Variants in SNTG1 observed in about 807,000 individuals in gnomAD.
SNTG1 encodes the protein syntrophin gamma 1, also known as gamma-1-syntrophin.
Under a neutral mutation model 74.7 loss-of-function variants are expected in SNTG1, and 39 were observed. The ratio of observed to expected loss-of-function variants is 0.52; its 90% confidence interval spans 0.40 to 0.68. SNTG1 has a LOEUF of 0.68. Among genes scored for constraint, SNTG1 ranks in the 30% least tolerant of loss-of-function variants. SNTG1 has a pLI of 0.00. For synonymous variants in SNTG1, 254 were observed against 217.1 expected (o/e 1.17, Z -1.49); for missense variants, 685 against 609.5 (o/e 1.12, Z -1.30).
intron 8 of SNTG1, among the ~76,000 whole-genome samples, chr8:50,492,271 A>C (rs1233304960): frequency 6.6e-6 from 1 of 152,182 alleles, no homozygotes; most frequent in East Asian, 1.9e-4. Flanking sequence ...TTGGTGGGTT[A>C]AATGGTATTT....
At chr8:49,916,499 T>A (rs2449958) in intron 1 of SNTG1, among the ~76,000 whole-genome samples, 1 of 152,098 alleles carries the variant, frequency 6.6e-6, no homozygotes, top group Non-Finnish European at 1.5e-5. Flanking sequence ...CTTCATCATA[T>A]GTAATGTACA....
rs2092815523 is a variant in SNTG1 at position 50,402,237 on chromosome 8, G to T, written c.55G>T (p.Asp19Tyr). Residue 19 changes from aspartate (D) to tyrosine (Y), a missense_variant, in exon 4 of 19, where the codon GAT becomes TAT. Physicochemically the swap from Asp to Tyr is radical, Grantham distance 160 (BLOSUM62 -3). Transcript: ENST00000642720. ...ETKTGICLLQDGNQEPFKVRL... is the reference protein window; with the variant it reads ...ETKTGICLLQYGNQEPFKVRL... ...AAAGACAGGAATTTGTTTGCTGCAG[G>T]ATGGTAACCAGGAGCCTTTCAAAGT... 6.2e-7 allele frequency: 1 copy of T among 1,603,704 alleles called. No homozygotes were observed. The highest frequency in any genetic ancestry group is 1.1e-5 in the South Asian group (1 of 88,014).
chr8:50,551,661 C>G (rs994191448), intron 11 of SNTG1, among the ~76,000 whole-genome samples: 8 of 152,152 alleles, frequency 5.3e-5, no homozygotes, highest in African/African-American at 1.9e-4. Flanking sequence ...GAAATTATAA[C>G]ATTCTTTTCA....
In SNTG1 at chr8:50,310,913, C is replaced by G. The variant is rs559599111; in HGVS notation, c.-27-83299C>G. ...AATGTCATAGCTAAATGGGGTCTTA[C>G]AGTTAATCTATTTCAGCGTTCAATT... On this transcript the variant is annotated intron_variant, in intron 2 of 18. Coordinates refer to ENST00000642720, the MANE Select transcript of SNTG1 (RefSeq NM_018967.5). Among the ~76,000 whole-genome samples, 30 of 152,186 alleles carry G rather than the reference C, an allele frequency of 2.0e-4. 1 individual carries two copies. The highest frequency in any genetic ancestry group is 9.8e-4 in the Admixed American group (15 of 15,278).
intron 2 of SNTG1, among the ~76,000 whole-genome samples, chr8:50,391,395 C>A (rs1348613492): frequency 6.6e-6 from 1 of 152,160 alleles, no homozygotes; most frequent in Non-Finnish European, 1.5e-5. Context: ...GTATGTTGAA[C>A]CAGCCTTGCC....
intron 12 of SNTG1, among the ~76,000 whole-genome samples, chr8:50,554,230 T>C (rs1179691556): frequency 6.6e-6 from 1 of 152,254 alleles, no homozygotes; most frequent in African/African-American, 2.4e-5. Flanking sequence ...AACAACGCCA[T>C]CATAATAGCC....
intron 1 of SNTG1, among the ~76,000 whole-genome samples, chr8:50,073,359 G>C (rs966957516): frequency 1.3e-5 from 2 of 152,094 alleles, no homozygotes; most frequent in African/African-American, 4.8e-5. Context: ...CAATAATTCA[G>C]CAATTCATAC....
At chr8:50,396,054 A>G (rs1233775392) in intron 3 of SNTG1, among the ~76,000 whole-genome samples, 1 of 152,306 alleles carries the variant, frequency 6.6e-6, no homozygotes, top group East Asian at 1.9e-4. Context: ...GCTTTTTGTA[A>G]ACAAAATTGT....
chr8:50,233,214 T>C (rs962262597), intron 2 of SNTG1, among the ~76,000 whole-genome samples: 2 of 151,594 alleles, frequency 1.3e-5, no homozygotes, highest in Non-Finnish European at 3.0e-5. Flanking sequence ...GATAGATACA[T>C]AGATCAATGG....
chr8:50,177,153 G>A (rs1388105635), intron 2 of SNTG1, among the ~76,000 whole-genome samples: 2 of 152,174 alleles, frequency 1.3e-5, no homozygotes, highest in African/African-American at 2.4e-5. Context: ...CATAAATCTT[G>A]TTGTGTTAAA....
chr8:49,989,095 C>T (rs1034646733), intron 1 of SNTG1, among the ~76,000 whole-genome samples: 6 of 151,818 alleles, frequency 4.0e-5, no homozygotes, highest in African/African-American at 1.4e-4. Context: ...ATTATGTATC[C>T]AGAGTCACTA....
chr8:50,340,657 TAA>T (rs1314820101), intron 2 of SNTG1, among the ~76,000 whole-genome samples: 2 of 151,954 alleles, frequency 1.3e-5, no homozygotes, highest in African/African-American at 4.8e-5. Context: ...TAGATGAACT[TAA>T]GTTTGGCAAT....
chr8:50,018,260 A>C (rs1445917039), intron 1 of SNTG1, among the ~76,000 whole-genome samples: 2 of 152,024 alleles, frequency 1.3e-5, no homozygotes, highest in Non-Finnish European at 2.9e-5. Context: ...CCAATGTCAA[A>C]ACCTATTTTA....
chr8:50,504,677 T>G (rs1045344623), intron 9 of SNTG1, among the ~76,000 whole-genome samples: 2 of 152,150 alleles, frequency 1.3e-5, no homozygotes, highest in African/African-American at 4.8e-5. Flanking sequence ...AGCATGTGCC[T>G]GTGGTTCCAG....
At chr8:50,410,435 G>T (rs965237725) in intron 4 of SNTG1, among the ~76,000 whole-genome samples, 1 of 152,034 alleles carries the variant, frequency 6.6e-6, no homozygotes, top group South Asian at 2.1e-4. Flanking sequence ...TCATTTATTT[G>T]CTGATTTTAA....
intron 5 of SNTG1, among the ~76,000 whole-genome samples, chr8:50,440,314 G>T (rs1270954902): frequency 2.0e-5 from 3 of 151,650 alleles, no homozygotes; most frequent in East Asian, 3.9e-4. Flanking sequence ...TCCTTTTATG[G>T]TTTTTTATTT....
intron 12 of SNTG1, among the ~76,000 whole-genome samples, chr8:50,579,399 A>T (rs2094595670): frequency 6.6e-6 from 1 of 152,220 alleles, no homozygotes; most frequent in Admixed American, 6.5e-5. Context: ...TTCTAGGGTG[A>T]CATTCAAGTA....
At chr8:50,782,657 C>A (rs1190420781) in intron 18 of SNTG1, among the ~76,000 whole-genome samples, 2 of 113,520 alleles carry the variant, frequency 1.8e-5, no homozygotes, top group Admixed American at 1.8e-4. Flanking sequence ...TGAATTTCCT[C>A]CTTTAGCTCA....
At chr8:50,717,982 A>G (rs2095478917) in intron 17 of SNTG1, among the ~76,000 whole-genome samples, 1 of 152,140 alleles carries the variant, frequency 6.6e-6, no homozygotes, top group Admixed American at 6.5e-5. Flanking sequence ...TGTCTGTTAC[A>G]TTTCAGTCCT....
Sources: allele counts gnomAD v4.1 joint callset (sites outside exome capture counted in the v4.1 genomes callset), GRCh38; gene constraint gnomAD v4.1.1; transcripts MANE v1.5; gene names NCBI Gene and HGNC (gene_info 2026-07-23, HGNC 2026-07-21).